The following TLE2 variants were observed in gnomAD, a reference collection of about 807,000 sequenced individuals.
The protein encoded by TLE2 is transducin-like enhancer protein 2.
A neutral mutation model predicts 97.2 loss-of-function variants in TLE2; 74 were observed. The observed-to-expected ratio is 0.76, with a 90% confidence interval of 0.63 to 0.92. The LOEUF is 0.92. TLE2 is among the 40% of genes least tolerant of loss of function. TLE2 has a pLI of 0.00. For synonymous variants in TLE2, 499 were observed against 432.1 expected (o/e 1.15, Z -1.92); for missense variants, 1,038 against 1,008.7 (o/e 1.03, Z -0.39).
At chr19:3,030,365 C>A (rs551220698), upstream of TLE2, among the ~76,000 whole-genome samples, 1 of 152,326 alleles carries the variant, frequency 6.6e-6, no homozygotes, top group East Asian at 1.9e-4. Context: ...ATCCTTCAGG[C>A]CCACCCGGGG....
chr19:3,001,016 C>T (rs886628385), intron 18 of TLE2, among the ~76,000 whole-genome samples: 3 of 151,878 alleles, frequency 2.0e-5, no homozygotes, highest in East Asian at 2.0e-4. Context: ...GGCTAACACC[C>T]GTAATCCCCA....
At chr19:3,012,808 T>TG (rs1168399681) in intron 11 of TLE2, among the ~76,000 whole-genome samples, 1 of 152,178 alleles carries the variant, frequency 6.6e-6, no homozygotes, top group Non-Finnish European at 1.5e-5. Flanking sequence ...ATCCTTGTCT[T>TG]GCGTCTGTCT....
intron 19 of TLE2, 41 bp from the exon 20 acceptor site, chr19:2,997,996 TG>T: frequency 6.8e-7 from 1 of 1,473,902 alleles, no homozygotes; most frequent in Non-Finnish European, 9.4e-7. Flanking sequence ...CAGTGAGGCA[TG>T]GTCCCCACAG....
chr19:3,014,842 G>T (rs991598907), intron 9 of TLE2, among the ~76,000 whole-genome samples: 1 of 152,038 alleles, frequency 6.6e-6, no homozygotes, highest in African/African-American at 2.4e-5. Flanking sequence ...AGAGGACTTT[G>T]AAGGATGTGG....
At chr19:3,046,931 T>TCCCTCCCCC (rs1247386481), upstream of TLE2, among the ~76,000 whole-genome samples, 1 of 71,432 alleles carries the variant, frequency 1.4e-5, no homozygotes, top group Admixed American at 1.7e-4. Flanking sequence ...CCCCCTCCTC[T>TCCCTCCCCC]GCCTCCCCCT....
Position 3,015,650 on chromosome 19 carries a change from C to G in TLE2, c.678+3G>C, listed in dbSNP as rs1234612737. The G allele has an allele frequency of 6.2e-7, 1 of 1,603,706 alleles. No individual in the cohort carries two copies. The highest frequency in any genetic ancestry group is 8.5e-7 in the Non-Finnish European group (1 of 1,175,992). The stretch of plus-strand genomic sequence containing the variant: ...TCCCAGTCCTGCACCTGCCCCCACT[C>G]ACATAAGGTCCTGATGGCTCCTTCT... On this transcript the variant is annotated splice_donor_region_variant and intron_variant, in intron 9 of 19. Transcript: ENST00000262953.
chr19:3,011,641 G>A (rs2145149403), intron 11 of TLE2, among the ~76,000 whole-genome samples: 1 of 151,878 alleles, frequency 6.6e-6, no homozygotes, highest in Non-Finnish European at 1.5e-5. Context: ...CTTGAGGTCA[G>A]GAGTTTGAGG....
At chr19:3,023,056 CT>C (rs35202557) in intron 5 of TLE2, among the ~76,000 whole-genome samples, 265 of 135,338 alleles carry the variant, frequency 2.0e-3, no homozygotes, top group Admixed American at 3.9e-3. Flanking sequence ...TTTACCTAAT[CT>C]TTTTTTTTTT....
intron 16 of TLE2, 27 bp downstream of exon 16, chr19:3,005,694 C>A: frequency 6.2e-7 from 1 of 1,609,164 alleles, no homozygotes; most frequent in Non-Finnish European, 8.5e-7. Context: ...GGGGCTTGCC[C>A]AAGGTCCCAG....
At chr19:3,029,954 G>A (rs989180473), upstream of TLE2, among the ~76,000 whole-genome samples, 5 of 151,932 alleles carry the variant, frequency 3.3e-5, no homozygotes, top group Non-Finnish European at 5.9e-5. Flanking sequence ...GCACCACCAC[G>A]CCCAGCTAAT....
intron 13 of TLE2, 82 bp downstream of exon 13, chr19:3,009,460 T>G: frequency 6.9e-7 from 1 of 1,457,108 alleles, no homozygotes; most frequent in African/African-American, 1.4e-5. Flanking sequence ...CCCTTGTCTC[T>G]CCTTGTGTAG....
intron 1 of TLE2, among the ~76,000 whole-genome samples, chr19:3,035,887 G>GT (rs1410329081): frequency 6.6e-6 from 1 of 151,718 alleles, no homozygotes. Context: ...TTGGAGGAGG[G>GT]GGGGCTAAGG....
chr19:3,047,240 G>C (rs1256910432), upstream of TLE2, among the ~76,000 whole-genome samples: 10 of 129,948 alleles, frequency 7.7e-5, no homozygotes, highest in Non-Finnish European at 1.3e-4. Context: ...TCAATTAGCC[G>C]AGGTCGCCCG....
intron 18 of TLE2, among the ~76,000 whole-genome samples, chr19:3,000,970 G>C (rs575455762): frequency 5.4e-4 from 82 of 151,608 alleles, no homozygotes; most frequent in African/African-American, 1.9e-3. Context: ...GCACCACCAC[G>C]CCCAGCTAAT....
At chr19:3,041,014 T>TATATATATATATGTATATATATA (rs55998855) in intron 1 of TLE2, among the ~76,000 whole-genome samples, 3 of 20,168 alleles carry the variant, frequency 1.5e-4, no homozygotes, top group Non-Finnish European at 2.5e-4. Flanking sequence ...TATATATATA[T>TATATATATATATGTATATATATA]TTTTTTTTTT....
At chr19:3,035,260 A>AT (rs59075552) in intron 1 of TLE2, among the ~76,000 whole-genome samples, 5,285 of 152,222 alleles carry the variant, frequency 0.035, 322 homozygotes, top group African/African-American at 0.12. Context: ...CTGTGACTCC[A>AT]TAACTCCCCA....
chr19:3,034,155 G>C (rs2090046238), upstream of TLE2, among the ~76,000 whole-genome samples: 1 of 151,736 alleles, frequency 6.6e-6, no homozygotes, highest in Non-Finnish European at 1.5e-5. Context: ...CTCTAAACCA[G>C]AGCATCACCC....
At chr19:3,009,378 G>A (rs2089542655) in intron 13 of TLE2, among the ~76,000 whole-genome samples, 164 bp downstream of exon 13, 1 of 152,188 alleles carries the variant, frequency 6.6e-6, no homozygotes, top group South Asian at 2.1e-4. Flanking sequence ...TAAGCTTGTG[G>A]GACTACTGAG....
chr19:2,998,712 A>G (rs1031100435), intron 19 of TLE2, among the ~76,000 whole-genome samples: 1 of 152,156 alleles, frequency 6.6e-6, no homozygotes, highest in Non-Finnish European at 1.5e-5. Flanking sequence ...CGCGCCCGGC[A>G]GAGCGACTTG....
Sources: allele counts gnomAD v4.1 joint callset (sites outside exome capture counted in the v4.1 genomes callset), GRCh38; gene constraint gnomAD v4.1.1; transcripts MANE v1.5; gene names NCBI Gene and HGNC (gene_info 2026-07-23, HGNC 2026-07-21).